LRMDA: variants seen among roughly 807,000 people sequenced by gnomAD.
LRMDA encodes leucine rich melanocyte differentiation associated.
In LRMDA, 18 loss-of-function variants were observed where a neutral mutation model predicts 29.8. That is an observed-to-expected ratio of 0.60 (90% CI 0.42 to 0.90). The LOEUF (loss-of-function observed/expected upper bound fraction) is 0.90, where lower values mean the gene tolerates loss of function less well. Among genes scored for constraint, LRMDA ranks in the 40% least tolerant of loss-of-function variants. The pLI is 0.00. For missense variants in LRMDA, 273 were observed against 273.9 expected (o/e 1.00, Z 0.02); for synonymous variants, 125 against 109.4 (o/e 1.14, Z -0.89).
At chr10:75,631,341 C>T (rs1841319385) in intron 2 of LRMDA, among the ~76,000 whole-genome samples, 1 of 152,048 alleles carries the variant, frequency 6.6e-6, no homozygotes, top group Admixed American at 6.6e-5. Context: ...TGCAGTTTCT[C>T]TATCTTTTGC....
chr10:76,132,564 G>C (rs1412620067), intron 5 of LRMDA, among the ~76,000 whole-genome samples: 1 of 152,136 alleles, frequency 6.6e-6, no homozygotes, highest in African/African-American at 2.4e-5. Context: ...TGGTGATTGT[G>C]GCAGATGTGG....
intron 5 of LRMDA, among the ~76,000 whole-genome samples, chr10:76,125,130 A>G (rs1849857544): frequency 6.6e-6 from 1 of 152,212 alleles, no homozygotes; most frequent in Non-Finnish European, 1.5e-5. Context: ...GAAGAAGCAA[A>G]TAGATATTTA....
At chr10:76,222,711 G>C (rs1052592583) in intron 5 of LRMDA, among the ~76,000 whole-genome samples, 13 of 152,150 alleles carry the variant, frequency 8.5e-5, no homozygotes, top group African/African-American at 3.1e-4. Flanking sequence ...TCAGTGTGGC[G>C]ATTCCTTGGA....
chr10:75,778,957 A>G (rs1445268754), intron 2 of LRMDA, among the ~76,000 whole-genome samples: 1 of 152,220 alleles, frequency 6.6e-6, no homozygotes, highest in African/African-American at 2.4e-5. Context: ...TTATCTGGGA[A>G]TGACTGTGAT....
chr10:76,367,247 T>C (rs540454003), intron 6 of LRMDA, among the ~76,000 whole-genome samples: 8 of 152,148 alleles, frequency 5.3e-5, no homozygotes, highest in Non-Finnish European at 1.2e-4. Flanking sequence ...GGTTTTGGTA[T>C]TAGGGTGATG....
At chr10:75,901,484 A>G (rs1172817962) in intron 2 of LRMDA, among the ~76,000 whole-genome samples, 2 of 152,240 alleles carry the variant, frequency 1.3e-5, no homozygotes, top group Non-Finnish European at 2.9e-5. Context: ...TGTCTTTGTC[A>G]CATCTTTTAT....
At chr10:75,908,327 T>G (rs1025656716) in intron 2 of LRMDA, among the ~76,000 whole-genome samples, 2 of 152,214 alleles carry the variant, frequency 1.3e-5, no homozygotes, top group African/African-American at 4.8e-5. Context: ...AGCACCTTCT[T>G]GCAGGATGGA....
At chr10:75,499,437 G>A (rs996055652) in intron 2 of LRMDA, among the ~76,000 whole-genome samples, 1 of 152,212 alleles carries the variant, frequency 6.6e-6, no homozygotes, top group Non-Finnish European at 1.5e-5. Context: ...AGCGGGATGA[G>A]CAGGCCCAGG....
rs562684529 is a variant in LRMDA at position 75,522,826 on chromosome 10, G to A, written c.131+84332G>A. Among the ~76,000 whole-genome samples, 32 of 152,298 alleles carry A rather than the reference G, an allele frequency of 2.1e-4. No homozygotes were observed. The South Asian group carries it at 2.9e-3, about 14-fold the overall frequency. On this transcript the variant is annotated intron_variant, in intron 2 of 6. Coordinates refer to ENST00000611255, the MANE Select transcript of LRMDA (RefSeq NM_001305581.2). ...GCTGAACTTCTGGGGCAAGCAGGAC[G>A]CAGATGATGCAGCTGAATACATGAC...
chr10:75,888,331 T>A (rs1053792529), intron 2 of LRMDA, among the ~76,000 whole-genome samples: 1 of 152,230 alleles, frequency 6.6e-6, no homozygotes, highest in South Asian at 2.1e-4. Flanking sequence ...AACTTCGATT[T>A]TTTTTGGCAT....
chr10:75,724,998 A>T (rs1362206532), intron 2 of LRMDA, among the ~76,000 whole-genome samples: 1 of 152,202 alleles, frequency 6.6e-6, no homozygotes, highest in African/African-American at 2.4e-5. Context: ...GTGCTGTGGA[A>T]ATTTAGGGAC....
chr10:75,622,399 T>C (rs1841200549), intron 2 of LRMDA, among the ~76,000 whole-genome samples: 1 of 152,198 alleles, frequency 6.6e-6, no homozygotes, highest in Admixed American at 6.5e-5. Flanking sequence ...ATTATCTTCT[T>C]TCTCCTATTT....
At chr10:76,474,861 C>G (rs1039520786) in intron 6 of LRMDA, among the ~76,000 whole-genome samples, 3 of 151,508 alleles carry the variant, frequency 2.0e-5, no homozygotes, top group African/African-American at 7.3e-5. Context: ...GGTATATACC[C>G]AGGAGAGGCG....
intron 5 of LRMDA, among the ~76,000 whole-genome samples, chr10:76,174,100 A>G (rs1412465077): frequency 6.6e-6 from 1 of 152,230 alleles, no homozygotes; most frequent in African/African-American, 2.4e-5. Context: ...TAACTTTTCT[A>G]GATTATTGGA....
chr10:75,754,918 T>C (rs1307140530), intron 2 of LRMDA, among the ~76,000 whole-genome samples: 1 of 152,218 alleles, frequency 6.6e-6, no homozygotes, highest in Non-Finnish European at 1.5e-5. Context: ...TTTTATTCTA[T>C]GGATTTCCTA....
intron 2 of LRMDA, among the ~76,000 whole-genome samples, chr10:75,971,947 T>A (rs1230066747): frequency 6.6e-6 from 1 of 152,182 alleles, no homozygotes; most frequent in Admixed American, 6.5e-5. Context: ...GAGTGGTTTG[T>A]TTTTAAGAAA....
chr10:76,470,962 T>A (rs1330715266), intron 6 of LRMDA, among the ~76,000 whole-genome samples: 1 of 151,782 alleles, frequency 6.6e-6, no homozygotes, highest in Admixed American at 6.6e-5. Flanking sequence ...AATAATTAAC[T>A]CTAAAAAAGC....
intron 2 of LRMDA, among the ~76,000 whole-genome samples, chr10:75,521,148 A>T (rs1003805725): frequency 1.3e-5 from 2 of 152,170 alleles, no homozygotes; most frequent in African/African-American, 4.8e-5. Flanking sequence ...TCCCAGTTAG[A>T]CTACAGGGGG....
At chr10:76,063,287 A>G (rs970850752) in intron 5 of LRMDA, among the ~76,000 whole-genome samples, 1 of 152,204 alleles carries the variant, frequency 6.6e-6, no homozygotes, top group Non-Finnish European at 1.5e-5. Context: ...CTTTGAAGAC[A>G]TGTCACTTGT....
Sources: gnomAD v4.1 joint callset for allele counts (sites outside exome capture counted in the v4.1 genomes callset) on GRCh38, gnomAD v4.1.1 for gene constraint, MANE v1.5 for transcripts, NCBI Gene and HGNC (gene_info 2026-07-23, HGNC 2026-07-21) for gene names.